Variants in AUTS2 observed in about 807,000 individuals in gnomAD.
AUTS2 encodes the protein activator of transcription and developmental regulator AUTS2, also known as autism susceptibility gene 2 protein.
In AUTS2, 17 loss-of-function variants were observed where a neutral mutation model predicts 112.4. The observed-to-expected ratio is 0.15, with a 90% CI of 0.10 to 0.23. The LOEUF is 0.23. Ranked by LOEUF, AUTS2 falls within the 10% of genes least tolerant of loss-of-function variation. The pLI is 1.00. For synonymous variants in AUTS2, 751 were observed against 702.7 expected (o/e 1.07, Z -1.09); for missense variants, 1,510 against 1,701.6 (o/e 0.89, Z 1.98).
At chr7:70,345,442 A>G (rs529253013) in intron 4 of AUTS2, among the ~76,000 whole-genome samples, 1 of 152,012 alleles carries the variant, frequency 6.6e-6, no homozygotes, top group South Asian at 2.1e-4. Flanking sequence ...CAACTTTTAT[A>G]TGTGGCCTCT....
chr7:69,831,854 C>T (rs942227797), intron 1 of AUTS2, among the ~76,000 whole-genome samples: 3 of 152,172 alleles, frequency 2.0e-5, no homozygotes, highest in Non-Finnish European at 4.4e-5. Context: ...AAAAATTTTA[C>T]ATCACTTTAC....
intron 1 of AUTS2, among the ~76,000 whole-genome samples, chr7:69,696,223 G>A (rs1433815192): frequency 6.6e-6 from 1 of 152,136 alleles, no homozygotes; most frequent in Non-Finnish European, 1.5e-5. Flanking sequence ...GGCTCAAGAG[G>A]ACCTCTGTTC....
intron 4 of AUTS2, among the ~76,000 whole-genome samples, chr7:70,211,156 C>T (rs1471886054): frequency 6.6e-6 from 1 of 151,976 alleles, no homozygotes; most frequent in African/African-American, 2.4e-5. Flanking sequence ...TGCTTAGTAT[C>T]GATTTACTCT....
intron 1 of AUTS2, among the ~76,000 whole-genome samples, chr7:69,846,109 T>C (rs1584331386): frequency 6.6e-6 from 1 of 152,050 alleles, no homozygotes; most frequent in South Asian, 2.1e-4. Flanking sequence ...TTTTTTTTTT[T>C]TGGTCTGTGC....
intron 2 of AUTS2, among the ~76,000 whole-genome samples, chr7:70,014,080 TATA>T (rs1284022050): frequency 2.0e-5 from 3 of 152,176 alleles, no homozygotes; most frequent in Admixed American, 2.0e-4. Flanking sequence ...CAGAAGGAAA[TATA>T]ATATCACTAT....
chr7:70,739,530 T>C (rs547098657), intron 6 of AUTS2, among the ~76,000 whole-genome samples: 6 of 151,938 alleles, frequency 3.9e-5, no homozygotes, highest in African/African-American at 1.4e-4. Context: ...GATGTTATGA[T>C]GTTAGTAGTG....
chr7:69,757,434 T>G (rs1191894445), intron 1 of AUTS2, among the ~76,000 whole-genome samples: 2 of 152,200 alleles, frequency 1.3e-5, no homozygotes, highest in Non-Finnish European at 2.9e-5. Flanking sequence ...CAATATAGTG[T>G]TTAACCTGAT....
intron 16 of AUTS2, chr7:70,785,391 G>A (rs148458016): frequency 1.2e-4 from 63 of 508,840 alleles, no homozygotes; most frequent in African/African-American, 9.2e-4. Flanking sequence ...TCTAGGAAGC[G>A]GAAAGAAACA....
At chr7:69,679,779 T>C (rs1796712705) in intron 1 of AUTS2, among the ~76,000 whole-genome samples, 1 of 152,232 alleles carries the variant, frequency 6.6e-6, no homozygotes, top group Non-Finnish European at 1.5e-5. Flanking sequence ...GAAGCAAATG[T>C]CAGTTACATA....
At chr7:70,652,176 A>G (rs1305743016) in intron 5 of AUTS2, among the ~76,000 whole-genome samples, 1 of 152,226 alleles carries the variant, frequency 6.6e-6, no homozygotes. Context: ...CACAGAGAAT[A>G]GCAGTAACCA....
chr7:70,479,100 A>G lies in AUTS2; in HGVS notation c.690+43319A>G, dbSNP rs550550430. The stretch of plus-strand genomic sequence containing the variant: ...GAGGTCATATAAAAATGATGAAAAA[A>G]TAGTACCTTAGAACCATTTTTATGG... On this transcript the variant is annotated intron_variant, in intron 5 of 18. Coordinates refer to ENST00000342771, the MANE Select transcript of AUTS2 (RefSeq NM_015570.4). Among the ~76,000 whole-genome samples, 83 of 152,278 alleles carry G rather than the reference A, an allele frequency of 5.5e-4. No individual in the cohort carries two copies. The South Asian group carries it at 0.016, about 30-fold the overall frequency.
chr7:70,319,210 A>G (rs1790137564), intron 4 of AUTS2, among the ~76,000 whole-genome samples: 2 of 152,202 alleles, frequency 1.3e-5, no homozygotes, highest in South Asian at 4.1e-4. Flanking sequence ...TTGAGGCCTG[A>G]GTCATCTCCC....
At chr7:70,228,169 G>C (rs1811865352) in intron 4 of AUTS2, among the ~76,000 whole-genome samples, 1 of 151,084 alleles carries the variant, frequency 6.6e-6, no homozygotes, top group Non-Finnish European at 1.5e-5. Context: ...AAATCTCTTT[G>C]TCTCTAGTAA....
intron 1 of AUTS2, among the ~76,000 whole-genome samples, chr7:69,741,392 C>T (rs1451157020): frequency 6.6e-6 from 1 of 152,096 alleles, no homozygotes; most frequent in African/African-American, 2.4e-5. Context: ...GAAATAAAGT[C>T]ACATATACTT....
chr7:70,049,911 G>A lies in AUTS2; in HGVS notation c.523-68221G>A, dbSNP rs373958310. Among the ~76,000 whole-genome samples, 6 of 152,188 alleles carry A rather than the reference G, an allele frequency of 3.9e-5. No individual in the cohort carries two copies. In the South Asian group the frequency reaches 1.0e-3, roughly 26 times the overall value. ...ACATATATATGAAGATATGATATAT[G>A]AAGATACATTACGAAGATAATTCAA... is the stretch of plus-strand genomic sequence containing the variant. On this transcript the variant is annotated intron_variant, in intron 2 of 18. Coordinates refer to ENST00000342771, the MANE Select transcript of AUTS2 (RefSeq NM_015570.4).
chr7:70,763,539 G>T (rs1327716280), intron 7 of AUTS2, among the ~76,000 whole-genome samples, 198 bp downstream of exon 7: 1 of 151,860 alleles, frequency 6.6e-6, no homozygotes, highest in Non-Finnish European at 1.5e-5. Flanking sequence ...GGGATGGGTG[G>T]GTGGTGAGGA....
At chr7:70,439,538 C>CAAAA (rs71077657) in intron 5 of AUTS2, among the ~76,000 whole-genome samples, 18 of 73,020 alleles carry the variant, frequency 2.5e-4, no homozygotes, top group South Asian at 6.4e-4. Flanking sequence ...GACTCCATCT[C>CAAAA]AAAAAAAAAA....
chr7:69,863,413 T>G (rs1793079467), intron 1 of AUTS2, among the ~76,000 whole-genome samples: 1 of 152,196 alleles, frequency 6.6e-6, no homozygotes, highest in Non-Finnish European at 1.5e-5. Context: ...TTTTAGGATC[T>G]TGGGGGATGC....
At chr7:70,172,083 C>T (rs1212502580) in intron 4 of AUTS2, among the ~76,000 whole-genome samples, 2 of 152,118 alleles carry the variant, frequency 1.3e-5, no homozygotes, top group Non-Finnish European at 2.9e-5. Flanking sequence ...ACCAAGCTTC[C>T]CTCACTCTGT....
Sources: allele counts gnomAD v4.1 joint callset (sites outside exome capture counted in the v4.1 genomes callset), GRCh38; gene constraint gnomAD v4.1.1; transcripts MANE v1.5; gene names NCBI Gene and HGNC (gene_info 2026-07-23, HGNC 2026-07-21).